ADIRF: variants seen among roughly 807,000 people sequenced by gnomAD.
ADIRF encodes adipogenesis factor rich in obesity.
A neutral mutation model predicts 7.8 loss-of-function variants in ADIRF; 9 were observed. The observed-to-expected ratio is 1.15, with a 90% CI of 0.70 to 2.01. The LOEUF (loss-of-function observed/expected upper bound fraction) is 2.01, where lower values mean the gene tolerates loss of function less well. ADIRF is among the 30% of genes most tolerant of loss of function. The pLI is 0.00. For synonymous variants in ADIRF, 48 were observed against 39.9 expected (o/e 1.20, Z -0.77); for missense variants, 106 against 98.1 (o/e 1.08, Z -0.34).
Position 86,970,602 on chromosome 10 carries a change from G to A in ADIRF, c.*20G>A, listed in dbSNP as rs376371857. 8.2e-6 allele frequency: 13 copies of A among 1,584,504 alleles called. No homozygotes were observed. The African/African-American group carries it at 1.6e-4, about 20-fold the overall frequency. On this transcript the variant is annotated 3_prime_UTR_variant, in exon 3 of 3. Transcript: ENST00000372013. Reference sequence around the variant, plus strand: ...AAATGACAGCAGGGAGACTTGGGTCGGCCTCCTGAAATGACAGCAGGGAGA... The same window carrying A: ...AAATGACAGCAGGGAGACTTGGGTCAGCCTCCTGAAATGACAGCAGGGAGA...
intron 1 of ADIRF, chr10:86,968,840 G>C: frequency 2.0e-6 from 1 of 505,554 alleles, no homozygotes; most frequent in South Asian, 2.7e-5. Flanking sequence ...TGCGCTGCGG[G>C]CACTGCGGGA....
rs754187752 is a variant in ADIRF, at chr10:86,970,637, C to T, written c.*55C>T. 6.9e-7 allele frequency: 1 copy of T among 1,454,816 alleles called. No individual in the cohort carries two copies. Among genetic ancestry groups the T allele is most frequent in the Non-Finnish European group, 9.5e-7 (1 of 1,054,504 alleles). The allele number at this position is 1,454,816 out of a possible 1,614,324, so 90.1% of individuals were successfully genotyped here. A position where few individuals can be genotyped will look rare whatever the true frequency, so the allele number is the denominator to read the frequency against. On this transcript the variant is annotated 3_prime_UTR_variant, in exon 3 of 3. Transcript: ENST00000372013. Reference sequence around the variant, plus strand: ...AATGACAGCAGGGAGACTTGGGTGACCCCCCTTCCAGGCGCCATCTAGCAC... The same window carrying T: ...AATGACAGCAGGGAGACTTGGGTGATCCCCCTTCCAGGCGCCATCTAGCAC...
rs149097397 is a variant in ADIRF at position 86,970,435 on chromosome 10, C to CG, written c.125-38dup. The CG allele has an allele frequency of 2.2e-3, 3,447 of 1,573,332 alleles. 69 individuals carry two copies. The African/African-American group carries it at 0.042, about 19-fold the overall frequency. On this transcript the variant is annotated intron_variant, in intron 2 of 2. Coordinates refer to ENST00000372013, the MANE Select transcript of ADIRF (RefSeq NM_006829.3). ...CTAAGCCTACAGGCACTGTGGTTCC[C>CG]GGGCCCTGCCTGACCTGCCCTCTCT... is the stretch of plus-strand genomic sequence containing the variant.
intron 1 of ADIRF, chr10:86,969,586 C>G (rs1382548542): frequency 6.6e-6 from 1 of 152,278 alleles, no homozygotes; most frequent in Non-Finnish European, 1.5e-5. Flanking sequence ...TCCCAGCAGG[C>G]CGAAACTCTG....
Position 86,970,871 on chromosome 10 carries a change from C to T in ADIRF, c.*289C>T, listed in dbSNP as rs1844590367. 1 of 486,108 alleles carries T rather than the reference C, an allele frequency of 2.1e-6. No homozygotes were observed. The highest frequency in any genetic ancestry group is 1.9e-5 in the African/African-American group (1 of 51,506). The allele number at this position is 486,108 out of a possible 1,614,324, so 30.1% of individuals were successfully genotyped here. A position where few individuals can be genotyped will look rare whatever the true frequency, so the allele number is the denominator to read the frequency against. On this transcript the variant is annotated 3_prime_UTR_variant, in exon 3 of 3. Coordinates refer to ENST00000372013, the MANE Select transcript of ADIRF (RefSeq NM_006829.3). ...CTCAGGAATGTTTTCCATCCCGCCACGCGCCTCCCGAAGCTCCCAGACCGG... is the reference window on the plus strand; with the variant it reads ...CTCAGGAATGTTTTCCATCCCGCCATGCGCCTCCCGAAGCTCCCAGACCGG...
At chr10:86,970,096 T>C (rs1428484882) in intron 1 of ADIRF, 104 bp from the exon 2 acceptor site, 1 of 1,152,574 alleles carries the variant, frequency 8.7e-7, no homozygotes, top group Non-Finnish European at 1.2e-6. Flanking sequence ...CCCTTGGACC[T>C]GTACCACCGA....
Position 86,970,627 on chromosome 10 carries a change from A to T in ADIRF, c.*45A>T. 6.7e-7 allele frequency: 1 copy of T among 1,498,278 alleles called. No individual in the cohort carries two copies. Among genetic ancestry groups the T allele is most frequent in the Non-Finnish European group, 9.2e-7 (1 of 1,090,990 alleles). The allele number at this position is 1,498,278 out of a possible 1,614,324, so 92.8% of individuals were successfully genotyped here. On this transcript the variant is annotated 3_prime_UTR_variant, in exon 3 of 3. Coordinates refer to ENST00000372013, the MANE Select transcript of ADIRF (RefSeq NM_006829.3). ...GGCCTCCTGAAATGACAGCAGGGAG[A>T]CTTGGGTGACCCCCCTTCCAGGCGC...
chr10:86,968,588 G>C lies in ADIRF; in HGVS notation c.44G>C (p.Gly15Ala), dbSNP rs774782856. Residue 15 changes from glycine to alanine, a missense_variant, in exon 1 of 3, where the codon GGG (glycine) becomes GCG (alanine). Transcript: ENST00000372013. ...GLQDLKQQVE[G>A]TAQEAVSAAG... is the part of the protein sequence containing the mutation. ...CAGGACCTGAAGCAACAGGTGGAGG[G>C]GACCGCCCAGGAAGCCGGTGAGGAT... 4 of 1,613,302 alleles carry C rather than the reference G, an allele frequency of 2.5e-6. No individual in the cohort carries two copies. The highest frequency in any genetic ancestry group is 1.1e-5 in the South Asian group (1 of 91,008).
At chr10:86,969,955 GGAA>G in intron 1 of ADIRF, 1 of 335,862 alleles carries the variant, frequency 3.0e-6, no homozygotes, top group East Asian at 4.5e-5. Context: ...AGATGGAAAG[GGAA>G]GCTCCTCCCC....
chr10:86,970,305 C>T, intron 2 of ADIRF, 43 bp downstream of exon 2: 1 of 1,496,786 alleles, frequency 6.7e-7, no homozygotes, highest in South Asian at 1.3e-5. Flanking sequence ...CAGCACACCT[C>T]CCACTCCCCG....
At chr10:86,969,650 T>C (rs1844542969) in intron 1 of ADIRF, 1 of 152,322 alleles carries the variant, frequency 6.6e-6, no homozygotes, top group Admixed American at 6.5e-5. Flanking sequence ...TTCATTTGTC[T>C]CCTAATGTCT....
rs753036686 is a variant in ADIRF, at chr10:86,970,217, G to A, written c.79G>A (p.Ala27Thr). ...TGTTCCAGTGTCAGCGGCCGGAGCG[G>A]CAGCTCAGCAAGTGGTGGACCAGGC... Reference protein sequence around the residue: ...AQEAVSAAGAAAQQVVDQATE... With the variant: ...AQEAVSAAGATAQQVVDQATE... The change falls in exon 2 of 3, where the codon GCA becomes ACA. Residue 27 changes from alanine to threonine, a missense_variant. Transcript: ENST00000372013. 2.7e-6 allele frequency: 4 copies of A among 1,455,512 alleles called. No homozygotes were observed. Among genetic ancestry groups the A allele is most frequent in the Middle Eastern group, 1.9e-4 (1 of 5,400 alleles). The allele number at this position is 1,455,512 out of a possible 1,614,324, so 90.2% of individuals were successfully genotyped here.
At position 86,970,273 on chromosome 10, in the gene ADIRF, G is replaced by T; in HGVS notation, c.124+11G>T. The T allele has an allele frequency of 6.8e-7, 1 of 1,472,322 alleles. No individual in the cohort carries two copies. Among genetic ancestry groups the T allele is most frequent in the Non-Finnish European group, 9.0e-7 (1 of 1,108,578 alleles). 91.2% of individuals were successfully genotyped at this position (1,472,322 alleles called of 1,614,324 possible). ...AGGCGGGGCAGAAAGGTCTGGTGGG[G>T]CTGGAGGGAGGCGGGCAACCCCAGC... On this transcript the variant is annotated intron_variant, in intron 2 of 2. Transcript: ENST00000372013.
intron 2 of ADIRF, 35 bp downstream of exon 2, chr10:86,970,297 G>A: frequency 6.7e-7 from 1 of 1,492,416 alleles, no homozygotes; most frequent in African/African-American, 1.4e-5. Flanking sequence ...GGCAACCCCA[G>A]CACACCTCCC....
intron 1 of ADIRF, 25 bp downstream of exon 1, chr10:86,968,630 C>T (rs2133706659): frequency 6.2e-7 from 1 of 1,608,026 alleles, no homozygotes; most frequent in Non-Finnish European, 8.5e-7. Context: ...CGACCTAGGG[C>T]TCAGGCAGGG....
At chr10:86,970,416 C>T in intron 2 of ADIRF, 60 bp from the exon 3 acceptor site, 1 of 1,541,516 alleles carries the variant, frequency 6.5e-7, no homozygotes. Context: ...CAGGCTAAGC[C>T]TACAGGCACT....
rs199985594 is a variant in ADIRF, at chr10:86,970,598, G to A, written c.*16G>A. 1.3e-6 allele frequency: 2 copies of A among 1,590,016 alleles called. No homozygotes were observed. Among genetic ancestry groups the A allele is most frequent in the African/African-American group, 1.3e-5 (1 of 74,538 alleles). On this transcript the variant is annotated 3_prime_UTR_variant, in exon 3 of 3. Coordinates refer to ENST00000372013, the MANE Select transcript of ADIRF (RefSeq NM_006829.3). ...CCTGAAATGACAGCAGGGAGACTTG[G>A]GTCGGCCTCCTGAAATGACAGCAGG...
intron 2 of ADIRF, 22 bp from the exon 3 acceptor site, chr10:86,970,454 C>T (rs752042741): frequency 2.5e-6 from 4 of 1,601,828 alleles, no homozygotes; most frequent in East Asian, 2.2e-5. Flanking sequence ...CCTGACCTGC[C>T]CTCTCTCCCG....
At chr10:86,968,907 G>C (rs1292183514) in intron 1 of ADIRF, 1 of 399,694 alleles carries the variant, frequency 2.5e-6, no homozygotes. Context: ...CTCAGGAGAG[G>C]GTGAAGGTCC....
Sources: allele counts gnomAD v4.1 joint callset, GRCh38; gene constraint gnomAD v4.1.1; transcripts MANE v1.5; gene names NCBI Gene and HGNC (gene_info 2026-07-23, HGNC 2026-07-21).